Variants in SKIC8 observed in about 807,000 individuals in gnomAD.
SKIC8 encodes superkiller complex protein 8.
chr15:78,288,293 C>A, the SKIC8 span: 1 of 1,613,880 alleles, frequency 6.2e-7, no homozygotes. Flanking sequence ...ACTTACACAT[C>A]ATAGATCTTG....
At chr15:78,293,076 A>G in the SKIC8 span, 9 of 1,186,266 alleles carry the variant, frequency 7.6e-6, no homozygotes, top group Non-Finnish European at 3.7e-6. Context: ...TGCCTAGAAA[A>G]AAGTATTTCC....
the SKIC8 span, chr15:78,283,716 C>T: frequency 2.1e-6 from 1 of 477,908 alleles, no homozygotes; most frequent in Admixed American, 3.7e-5. Context: ...GAATTCCTGC[C>T]CCTTCCCATA....
At chr15:78,283,342 A>G in the SKIC8 span, 4 of 992,294 alleles carry the variant, frequency 4.0e-6, no homozygotes, top group Non-Finnish European at 6.0e-6. Flanking sequence ...AATAAATGCT[A>G]TATTTCTTTT....
At chr15:78,292,444 A>G in the SKIC8 span, 1 of 662,714 alleles carries the variant, frequency 1.5e-6, no homozygotes, top group South Asian at 1.9e-5. Flanking sequence ...GTCTTTCATT[A>G]CAGTGCTGTT....
chr15:78,295,644 T>C, the SKIC8 span: 66 of 1,609,280 alleles, frequency 4.1e-5, no homozygotes, highest in Admixed American at 6.7e-5. Flanking sequence ...AAGAGACCAA[T>C]TGATGTTTTT....
chr15:78,288,061 G>A, the SKIC8 span, among the ~76,000 whole-genome samples: 1 of 152,066 alleles, frequency 6.6e-6, no homozygotes, highest in Non-Finnish European at 1.5e-5. Flanking sequence ...AGAAAAAGTA[G>A]CAAGTATCTG....
At chr15:78,285,429 G>C in the SKIC8 span, 1 of 1,164,848 alleles carries the variant, frequency 8.6e-7, no homozygotes, top group Non-Finnish European at 1.3e-6. Flanking sequence ...TCTAACTTCA[G>C]ACCCCCCAAC....
At chr15:78,288,241 G>T in the SKIC8 span, 22 of 1,592,378 alleles carry the variant, frequency 1.4e-5, no homozygotes, top group Non-Finnish European at 1.9e-5. Context: ...ACAATAAAGG[G>T]ACAAGATGGG....
chr15:78,288,772 G>A, the SKIC8 span: 7 of 341,220 alleles, frequency 2.1e-5, no homozygotes, highest in East Asian at 2.4e-4. Context: ...ATGTGAGGAC[G>A]TAATAAATTC....
the SKIC8 span, chr15:78,286,575 A>T: frequency 1.2e-5 from 2 of 161,860 alleles, no homozygotes; most frequent in Middle Eastern, 6.3e-3. Context: ...AAGTGTCAAG[A>T]TGTATTCATT....
chr15:78,295,169 C>A, the SKIC8 span: 6 of 605,908 alleles, frequency 9.9e-6, no homozygotes, highest in South Asian at 1.3e-4. Context: ...GAAAAAAATT[C>A]TTAAAGAAAC....
At chr15:78,295,420 T>A in the SKIC8 span, 2 of 470,314 alleles carry the variant, frequency 4.3e-6, no homozygotes, top group Non-Finnish European at 7.3e-6. Flanking sequence ...TTTTTTTTTG[T>A]ACAACATCTT....
At chr15:78,286,077 AC>A in the SKIC8 span, 1 of 1,613,982 alleles carries the variant, frequency 6.2e-7, no homozygotes. Context: ...ACAGAATGCA[AC>A]GTTCAGCACC....
At chr15:78,288,419 C>T in the SKIC8 span, 10 of 1,597,218 alleles carry the variant, frequency 6.3e-6, no homozygotes, top group Non-Finnish European at 7.7e-6. Context: ...TCTGGTGAAC[C>T]ACTGCCTCCT....
the SKIC8 span, chr15:78,296,086 A>G: frequency 5.4e-5 from 9 of 165,150 alleles, no homozygotes; most frequent in Admixed American, 3.8e-4. Flanking sequence ...ACATGGGGGA[A>G]TCCAAAGATG....
the SKIC8 span, among the ~76,000 whole-genome samples, chr15:78,298,183 G>C: frequency 6.6e-6 from 1 of 152,152 alleles, no homozygotes; most frequent in Non-Finnish European, 1.5e-5. Context: ...TGAAGCACAG[G>C]CTTGTCCTCT....
the SKIC8 span, chr15:78,288,528 G>T: frequency 2.7e-6 from 2 of 741,446 alleles, no homozygotes; most frequent in Non-Finnish European, 4.5e-6. Flanking sequence ...TTCTGATTGG[G>T]CCTTTCCTCT....
chr15:78,294,694 A>G, the SKIC8 span: 1 of 430,976 alleles, frequency 2.3e-6, no homozygotes. Context: ...CCTCAGGTGG[A>G]AAAATTTTCC....
At chr15:78,288,424 C>T in the SKIC8 span, 1 of 1,585,778 alleles carries the variant, frequency 6.3e-7, no homozygotes, top group South Asian at 1.1e-5. Context: ...TGAACCACTG[C>T]CTCCTCACTC....
Sources: gnomAD v4.1 joint callset for allele counts (sites outside exome capture counted in the v4.1 genomes callset) on GRCh38, gnomAD v4.1.1 for gene constraint, MANE v1.5 for transcripts, NCBI Gene and HGNC (gene_info 2026-07-23, HGNC 2026-07-21) for gene names.